The following SLC34A2 variants were observed in gnomAD, a reference collection of about 807,000 sequenced individuals.
SLC34A2 encodes sodium-dependent phosphate transport protein 2B.
A neutral mutation model predicts 50.8 loss-of-function variants in SLC34A2; 41 were observed. The observed-to-expected ratio is 0.81, with a 90% CI of 0.63 to 1.05. The LOEUF (loss-of-function observed/expected upper bound fraction) is 1.05, where lower values mean the gene tolerates loss of function less well. Ranked by LOEUF, SLC34A2 falls within the 50% of genes least tolerant of loss-of-function variation. SLC34A2 has a pLI of 0.00. For missense variants in SLC34A2, 879 were observed against 876.7 expected (o/e 1.00, Z -0.03); for synonymous variants, 401 against 364.2 (o/e 1.10, Z -1.15).
chr4:25,659,531 A>G (rs1577488449), intron 1 of SLC34A2, among the ~76,000 whole-genome samples: 1 of 152,186 alleles, frequency 6.6e-6, no homozygotes, highest in East Asian at 1.9e-4. Flanking sequence ...GACACAGTGC[A>G]TTTCCACATT....
chr4:25,664,118 G>C lies in SLC34A2; in HGVS notation c.251-84G>C, dbSNP rs574159532. ...AGGGAGGGGAGGTCGGGGGAGCTCTGAGCTCATTGCCAAACTTCTCAGGGT... is the reference window on the plus strand; with the variant it reads ...AGGGAGGGGAGGTCGGGGGAGCTCTCAGCTCATTGCCAAACTTCTCAGGGT... On this transcript the variant is annotated intron_variant, in intron 3 of 12. Transcript: ENST00000382051. The C allele has an allele frequency of 3.1e-5, 43 of 1,394,314 alleles. No individual in the cohort carries two copies. The East Asian group carries it at 8.2e-4, about 27-fold the overall frequency. 86.4% of individuals were successfully genotyped at this position (1,394,314 alleles called of 1,614,324 possible). A position where few individuals can be genotyped will look rare whatever the true frequency, so the allele number is the denominator to read the frequency against.
intron 1 of SLC34A2, among the ~76,000 whole-genome samples, chr4:25,660,517 T>C (rs953371670): frequency 3.3e-5 from 5 of 152,230 alleles, no homozygotes; most frequent in Admixed American, 6.5e-5. Flanking sequence ...ACTTTGATAG[T>C]TGTCACTGTT....
intron 3 of SLC34A2, 104 bp from the exon 4 acceptor site, chr4:25,664,098 G>A: frequency 9.1e-7 from 1 of 1,096,704 alleles, no homozygotes; most frequent in Non-Finnish European, 1.4e-6. Context: ...TGGGAAGGGA[G>A]GGGAGGTCGG....
At chr4:25,664,979 G>A (rs1207638337) in intron 4 of SLC34A2, 3 of 229,936 alleles carry the variant, frequency 1.3e-5, no homozygotes, top group East Asian at 6.2e-5. Flanking sequence ...TCATGAACCA[G>A]CCCTGAGACT....
chr4:25,663,290 G>A (rs1714312580), intron 3 of SLC34A2, among the ~76,000 whole-genome samples: 2 of 152,142 alleles, frequency 1.3e-5, no homozygotes, highest in African/African-American at 4.8e-5. Context: ...AAGCATGTTG[G>A]AGTAATTGGG....
intron 1 of SLC34A2, among the ~76,000 whole-genome samples, chr4:25,659,064 A>G (rs1331128113): frequency 1.3e-5 from 2 of 152,038 alleles, no homozygotes; most frequent in Non-Finnish European, 2.9e-5. Flanking sequence ...CAATGTGCCT[A>G]GACCTAAGGC....
intron 10 of SLC34A2, among the ~76,000 whole-genome samples, chr4:25,673,944 T>A (rs547864130): frequency 7.2e-5 from 11 of 152,282 alleles, no homozygotes; most frequent in Admixed American, 5.2e-4. Context: ...GAAATGAAGG[T>A]TGAAGGTCAA....
chr4:25,656,793 T>C (rs1043617051), intron 1 of SLC34A2, among the ~76,000 whole-genome samples: 1 of 152,212 alleles, frequency 6.6e-6, no homozygotes, highest in Non-Finnish European at 1.5e-5. Context: ...TGGAAGCAGC[T>C]TGTGGATTTC....
At chr4:25,671,521 G>T in intron 8 of SLC34A2, 80 bp from the exon 9 acceptor site, 1 of 1,590,540 alleles carries the variant, frequency 6.3e-7, no homozygotes, top group Non-Finnish European at 8.6e-7. Context: ...GTCTGCGCCT[G>T]TTCATTCCCA....
At chr4:25,667,535 G>GA (rs927301768) in intron 5 of SLC34A2, among the ~76,000 whole-genome samples, 10 of 151,806 alleles carry the variant, frequency 6.6e-5, no homozygotes, top group Admixed American at 3.9e-4. Context: ...AAAAAGAAAA[G>GA]AAAAAAAACT....
chr4:25,676,552 T>G lies in SLC34A2; in HGVS notation c.1876T>G (p.Cys626Gly), dbSNP rs780406724. Residue 626 changes from cysteine (C) to glycine (G), a missense_variant, in exon 13 of 13, where the codon TGC becomes GGC. Transcript: ENST00000382051. ...MRCCCCCRVC[C>G]RACCLLCDCP... is the part of the protein sequence containing the mutation. ...CTGCTGCTGCTGCTGCCGCGTGTGC[T>G]GCCGCGCGTGCTGCTTGCTGTGTGA... The G allele has an allele frequency of 4.3e-6, 7 of 1,612,494 alleles. No individual in the cohort carries two copies. The highest frequency in any genetic ancestry group is 1.7e-5 in the Admixed American group (1 of 60,004).
chr4:25,669,606 G>T, intron 6 of SLC34A2, 41 bp from the exon 7 acceptor site: 2 of 1,599,108 alleles, frequency 1.3e-6, no homozygotes, highest in Non-Finnish European at 1.7e-6. Flanking sequence ...GTGCCCACTT[G>T]CTTAGTGACT....
chr4:25,676,167 C>G lies in SLC34A2; in HGVS notation c.1491C>G (p.Ser497=), dbSNP rs755033732. 3.1e-6 allele frequency: 5 copies of G among 1,614,176 alleles called. No individual in the cohort carries two copies. The South Asian group carries it at 3.3e-5, about 11-fold the overall frequency. Reference sequence around the variant, plus strand: ...TGTGCCACTTTTTCTTCAACATCTCCGGCATCTTGCTGTGGTACCCGATCC... The same window carrying G: ...TGTGCCACTTTTTCTTCAACATCTCGGGCATCTTGCTGTGGTACCCGATCC... The part of the protein sequence containing the change: ...IALCHFFFNI[S]GILLWYPIPF... The change falls in exon 13 of 13, where the codon TCC becomes TCG. Residue 497 remains serine (S), a synonymous_variant. Coordinates refer to ENST00000382051, the MANE Select transcript of SLC34A2 (RefSeq NM_006424.3).
At position 25,662,573 on chromosome 4, in the gene SLC34A2, C is replaced by T. The variant is rs746937122; in HGVS notation, c.73C>T (p.Gln25Ter). Residue 25 changes from glutamine to a stop codon, truncating the protein, a stop_gained, in exon 2 of 13, where the codon CAG (glutamine) becomes TAG (stop). Coordinates refer to ENST00000382051, the MANE Select transcript of SLC34A2 (RefSeq NM_006424.3). LOFTEE classifies it high-confidence loss of function. Reference sequence around the variant, plus strand: ...GTACCTCGAAGGGGCCGCAGGTCAGCAGCCCACTGCCCCTGATAAAAGCAA... The same window carrying T: ...GTACCTCGAAGGGGCCGCAGGTCAGTAGCCCACTGCCCCTGATAAAAGCAA... ...DKYLEGAAGQ[Q>*]PTAPDKSKET... The T allele has an allele frequency of 6.2e-7, 1 of 1,614,146 alleles. No individual in the cohort carries two copies. Among genetic ancestry groups the T allele is most frequent in the South Asian group, 1.1e-5 (1 of 91,078 alleles).
rs904347735 is a variant in SLC34A2, at chr4:25,677,151, C to G, written c.*402C>G. On this transcript the variant is annotated 3_prime_UTR_variant, in exon 13 of 13. Transcript: ENST00000382051. ...TCTCCCAGATGAGGAAGTGTACTCT[C>G]TATGACTATCAAGCTCAGGCCTCTC... is the stretch of plus-strand genomic sequence containing the variant. 13 of 214,320 alleles carry G rather than the reference C, an allele frequency of 6.1e-5. 1 individual carries two copies. In the Admixed American group the frequency reaches 6.1e-4, roughly 10 times the overall value. 13.3% of individuals were successfully genotyped at this position (214,320 alleles called of 1,614,324 possible). A position where few individuals can be genotyped will look rare whatever the true frequency, so the allele number is the denominator to read the frequency against.
intron 1 of SLC34A2, among the ~76,000 whole-genome samples, chr4:25,661,563 T>G (rs1714186282): frequency 6.6e-6 from 1 of 151,998 alleles, no homozygotes; most frequent in Non-Finnish European, 1.5e-5. Context: ...AATTTTTGTA[T>G]TTTTAGTAGA....
chr4:25,656,923 T>C (rs1444078764), intron 1 of SLC34A2, among the ~76,000 whole-genome samples: 3 of 152,222 alleles, frequency 2.0e-5, no homozygotes, highest in African/African-American at 7.2e-5. Context: ...GGCAGTTCTT[T>C]AACTTGTCCT....
chr4:25,664,124 A>C, intron 3 of SLC34A2, 78 bp from the exon 4 acceptor site: 4 of 1,473,170 alleles, frequency 2.7e-6, no homozygotes, highest in Non-Finnish European at 3.8e-6. Flanking sequence ...CTCTGAGCTC[A>C]TTGCCAAACT....
Position 25,669,858 on chromosome 4 carries a change from CAGAGAGA to C in SLC34A2, c.831+17_831+23del. On this transcript the variant is annotated intron_variant, in intron 7 of 12. Coordinates refer to ENST00000382051, the MANE Select transcript of SLC34A2 (RefSeq NM_006424.3). ...CATTGTCCAGGTAACTTAGCTCCTT[CAGAGAGA>C]GAAGGAGACTAACTTCCTACCCACA... is the stretch of plus-strand genomic sequence containing the variant. The C allele has an allele frequency of 6.2e-7, 1 of 1,609,692 alleles. No homozygotes were observed. Among genetic ancestry groups the C allele is most frequent in the Admixed American group, 1.7e-5 (1 of 60,024 alleles).
Sources: gnomAD v4.1 joint callset for allele counts (sites outside exome capture counted in the v4.1 genomes callset) on GRCh38, gnomAD v4.1.1 for gene constraint, MANE v1.5 for transcripts, NCBI Gene and HGNC (gene_info 2026-07-23, HGNC 2026-07-21) for gene names.